SANBR: variants seen among roughly 807,000 people sequenced by gnomAD.
SANBR encodes SANT and BTB domain regulator of CSR.
SANBR carries 77 observed loss-of-function variants against 101.8 expected under a neutral mutation model. The observed-to-expected ratio is 0.76, with a 90% confidence interval of 0.63 to 0.91. The LOEUF (loss-of-function observed/expected upper bound fraction) is 0.91. Ranked by LOEUF, SANBR falls within the 40% of genes least tolerant of loss-of-function variation. The probability of loss-of-function intolerance (pLI) is 0.00; values close to 1 mark genes in which losing one functional copy is unlikely to be tolerated. For synonymous variants in SANBR, 279 were observed against 274.7 expected (o/e 1.02, Z -0.15); for missense variants, 875 against 853.0 (o/e 1.03, Z -0.32).
At chr2:61,093,786 T>TA (rs1030736236) in intron 11 of SANBR, among the ~76,000 whole-genome samples, 3 of 152,230 alleles carry the variant, frequency 2.0e-5, no homozygotes, top group Non-Finnish European at 1.5e-5. Flanking sequence ...CCTTTGTTGT[T>TA]ACAACAATTT....
chr2:61,118,021 C>A lies in SANBR; in HGVS notation c.1940-7C>A. 1 of 1,603,634 alleles carries A rather than the reference C, an allele frequency of 6.2e-7. No homozygotes were observed. The highest frequency in any genetic ancestry group is 8.5e-7 in the Non-Finnish European group (1 of 1,175,054). ...AAAAGTAAAGTTTACTGTTTTTTTC[C>A]CTTCAGATCAACGGCGAATGACTGA... is the stretch of plus-strand genomic sequence containing the variant. On this transcript the variant is annotated splice_region_variant and splice_polypyrimidine_tract_variant and intron_variant, in intron 19 of 21. Coordinates refer to ENST00000402291, the MANE Select transcript of SANBR (RefSeq NM_001129993.3).
chr2:61,078,183 C>T (rs532238719), intron 6 of SANBR, among the ~76,000 whole-genome samples: 2 of 152,196 alleles, frequency 1.3e-5, no homozygotes, highest in South Asian at 2.1e-4. Context: ...AAAAGTCATG[C>T]GTGAGTGAAA....
At chr2:61,097,101 G>T (rs942935462) in intron 11 of SANBR, among the ~76,000 whole-genome samples, 4 of 152,208 alleles carry the variant, frequency 2.6e-5, no homozygotes, top group Admixed American at 2.6e-4. Flanking sequence ...TAGCAGTGAG[G>T]CTAGATGGCA....
chr2:61,092,486 G>A lies in SANBR; in HGVS notation c.1111G>A (p.Glu371Lys). Residue 371 changes from glutamate (E) to lysine (K), a missense_variant, in exon 11 of 22, where the codon GAG becomes AAG. By Grantham distance (56) the Glu-to-Lys change is moderately conservative. Transcript: ENST00000402291. Reference protein sequence around the residue: ...HIRDKTWDVHEYLNSLFEELK... With the variant: ...HIRDKTWDVHKYLNSLFEELK... The stretch of plus-strand genomic sequence containing the variant: ...CAGAGATAAGACATGGGATGTTCAT[G>A]AGTATTTGAATAGTCTTTTCGAAGA... 6.3e-7 allele frequency: 1 copy of A among 1,595,106 alleles called. No homozygotes were observed. The highest frequency in any genetic ancestry group is 1.7e-5 in the Admixed American group (1 of 57,834).
intron 5 of SANBR, among the ~76,000 whole-genome samples, chr2:61,073,874 TA>T (rs1350269371): frequency 3.3e-5 from 5 of 152,132 alleles, no homozygotes; most frequent in African/African-American, 1.2e-4. Context: ...CCGACTTTAC[TA>T]AAGAAATTGG....
rs1681839311 is a variant in SANBR, at chr2:61,077,229, G to A, written c.670+71G>A. 3.7e-6 allele frequency: 4 copies of A among 1,072,858 alleles called. No individual in the cohort carries two copies. In the South Asian group the frequency reaches 5.5e-5, roughly 15 times the overall value. 66.5% of individuals were successfully genotyped at this position (1,072,858 alleles called of 1,614,324 possible). On this transcript the variant is annotated intron_variant, in intron 6 of 21. Transcript: ENST00000402291. The stretch of plus-strand genomic sequence containing the variant: ...ACCTGGTAGTTTCTTCAGGCCAAAA[G>A]TGAAATGTGGAAAATTGTTTGGACA...
intron 12 of SANBR, among the ~76,000 whole-genome samples, chr2:61,098,891 G>A (rs1683160952): frequency 6.6e-6 from 1 of 152,168 alleles, no homozygotes; most frequent in Admixed American, 6.5e-5. Context: ...AGGGAAAAAA[G>A]CACCCAAAGA....
intron 20 of SANBR, among the ~76,000 whole-genome samples, chr2:61,130,459 C>T (rs1263720700): frequency 1.3e-5 from 2 of 152,026 alleles, no homozygotes; most frequent in Non-Finnish European, 2.9e-5. Flanking sequence ...AAAGGTATCA[C>T]AAGAAAAAGA....
downstream of SANBR, among the ~76,000 whole-genome samples, chr2:61,128,966 CGAA>C (rs1316806896): frequency 2.6e-5 from 4 of 151,774 alleles, no homozygotes; most frequent in Non-Finnish European, 5.9e-5. Context: ...TGTTCCAAAA[CGAA>C]GGAGGAGAAG....
intron 20 of SANBR, among the ~76,000 whole-genome samples, chr2:61,118,978 A>G (rs1420173431): frequency 6.6e-6 from 1 of 152,202 alleles, no homozygotes; most frequent in African/African-American, 2.4e-5. Flanking sequence ...AATAAAGTAC[A>G]TCATTGCTGA....
intron 8 of SANBR, among the ~76,000 whole-genome samples, chr2:61,087,314 G>A (rs764365645): frequency 1.3e-5 from 2 of 152,092 alleles, no homozygotes; most frequent in South Asian, 2.1e-4. Context: ...TCAGCACTTC[G>A]GGAGGCCAAA....
At chr2:61,133,876 C>T (rs1194166569) in intron 20 of SANBR, among the ~76,000 whole-genome samples, 2 of 152,128 alleles carry the variant, frequency 1.3e-5, no homozygotes, top group Non-Finnish European at 2.9e-5. Context: ...GTAATGGTTG[C>T]ATAAGTCTGA....
At chr2:61,113,154 C>T (rs988196333) in intron 16 of SANBR, among the ~76,000 whole-genome samples, 2 of 152,180 alleles carry the variant, frequency 1.3e-5, no homozygotes, top group African/African-American at 4.8e-5. Context: ...GCCCCATTTC[C>T]AAACTGTGTT....
chr2:61,125,055 C>G (rs890074232), downstream of SANBR, among the ~76,000 whole-genome samples: 3 of 152,226 alleles, frequency 2.0e-5, no homozygotes, highest in Admixed American at 2.0e-4. Flanking sequence ...ACTGGGATAG[C>G]TAGCCAGTTT....
chr2:61,080,175 C>T lies in SANBR; in HGVS notation c.671-1277C>T, dbSNP rs535271465. ...TCATGCCACTGCACTCCAGTCTGGGCGAAGGAGTGAAACTTTGTCTCAAAA... is the reference window on the plus strand; with the variant it reads ...TCATGCCACTGCACTCCAGTCTGGGTGAAGGAGTGAAACTTTGTCTCAAAA... On this transcript the variant is annotated intron_variant, in intron 6 of 21. Coordinates refer to ENST00000402291, the MANE Select transcript of SANBR (RefSeq NM_001129993.3). 6.1e-5 allele frequency among the ~76,000 whole-genome samples: 7 copies of T among 114,108 alleles called. No individual in the cohort carries two copies. The South Asian group carries it at 1.6e-3, about 25-fold the overall frequency. The allele number at this position is 114,108 out of a possible 152,430, so 74.9% of individuals were successfully genotyped here.
chr2:61,118,284 C>T (rs1259886106), intron 20 of SANBR, among the ~76,000 whole-genome samples, 168 bp downstream of exon 20: 1 of 152,012 alleles, frequency 6.6e-6, no homozygotes, highest in Non-Finnish European at 1.5e-5. Context: ...TCTTGTTGCC[C>T]AGGCTGGAAT....
In SANBR at chr2:61,122,536, C is replaced by A. The variant is rs1281856871; in HGVS notation, c.*374C>A. ...TAGGGGAACACAACTGGTAGTGTTA[C>A]CATGCATGGCACTGATTGTAGTATG... On this transcript the variant is annotated 3_prime_UTR_variant, in exon 22 of 22. Coordinates refer to ENST00000402291, the MANE Select transcript of SANBR (RefSeq NM_001129993.3). The A allele has an allele frequency of 2.0e-6, 2 of 1,004,186 alleles. No individual in the cohort carries two copies. The highest frequency in any genetic ancestry group is 2.4e-6 in the Non-Finnish European group (2 of 842,392). The allele number at this position is 1,004,186 out of a possible 1,614,324, so 62.2% of individuals were successfully genotyped here.
intron 16 of SANBR, 134 bp from the exon 17 acceptor site, chr2:61,115,845 C>T: frequency 1.8e-6 from 1 of 554,414 alleles, no homozygotes; most frequent in Non-Finnish European, 3.2e-6. Flanking sequence ...GGTATATTTG[C>T]TTTCTATCCA....
intron 12 of SANBR, among the ~76,000 whole-genome samples, chr2:61,102,952 G>A (rs1683359290): frequency 6.6e-6 from 1 of 152,002 alleles, no homozygotes; most frequent in Non-Finnish European, 1.5e-5. Context: ...CTTGTGTACT[G>A]AGAAACAGAT....
Sources: allele counts gnomAD v4.1 joint callset (sites outside exome capture counted in the v4.1 genomes callset), GRCh38; gene constraint gnomAD v4.1.1; transcripts MANE v1.5; gene names NCBI Gene and HGNC (gene_info 2026-07-23, HGNC 2026-07-21).